RTTN: variants seen among roughly 807,000 people sequenced by gnomAD.
The protein encoded by RTTN is rotatin.
A neutral mutation model predicts 269.2 loss-of-function variants in RTTN; 182 were observed. The ratio of observed to expected loss-of-function variants is 0.68; its 90% CI spans 0.60 to 0.76. The LOEUF is 0.76. Ranked by LOEUF, RTTN falls within the 30% of genes least tolerant of loss-of-function variation. The pLI, the probability that RTTN is intolerant of heterozygous loss-of-function variation, is 0.00. For synonymous variants in RTTN, 1,006 were observed against 963.5 expected, an observed-to-expected ratio of 1.04 and a Z score of -0.82; for missense variants, 2,545 against 2,608.6, an observed-to-expected ratio of 0.98 and a Z score of 0.53.
chr18:70,175,669 G>A (rs887885141), intron 11 of RTTN, among the ~76,000 whole-genome samples: 7 of 150,132 alleles, frequency 4.7e-5, no homozygotes, highest in South Asian at 4.2e-4. Context: ...ACTAAAATAT[G>A]CAACACACCA....
At chr18:70,150,845 A>T (rs188604093) in intron 14 of RTTN, 112 bp from the exon 15 acceptor site, 29 of 731,082 alleles carry the variant, frequency 4.0e-5, no homozygotes, top group Admixed American at 6.5e-5. Flanking sequence ...ACTTCATTGA[A>T]ACTTTTTTTA....
intron 35 of RTTN, among the ~76,000 whole-genome samples, chr18:70,064,475 A>G (rs143034076): frequency 0.012 from 1,889 of 152,302 alleles, 23 homozygotes; most frequent in South Asian, 0.039. Context: ...TAACTGTAAT[A>G]TATTCATACA....
At chr18:70,147,756 C>A (rs1407049066) in intron 17 of RTTN, among the ~76,000 whole-genome samples, 11 of 152,112 alleles carry the variant, frequency 7.2e-5, no homozygotes, top group African/African-American at 2.4e-4. Context: ...GCACTATGCT[C>A]CTGGGGGTGT....
At chr18:70,097,965 C>T (rs1023017077) in intron 28 of RTTN, among the ~76,000 whole-genome samples, 1 of 152,284 alleles carries the variant, frequency 6.6e-6, no homozygotes, top group African/African-American at 2.4e-5. Flanking sequence ...CTCACCTATT[C>T]CTGATTTCAA....
In RTTN at chr18:70,190,670, G is replaced by A; in HGVS notation, c.1057C>T (p.Pro353Ser). Residue 353 changes from proline (P) to serine (S), a missense_variant, in exon 9 of 49, where the codon CCT becomes TCT. By Grantham distance (74) the Pro-to-Ser change is moderately conservative. Transcript: ENST00000640769. ...HVNSRISVHS[P>S]LDMGHIDLPE... is the part of the protein sequence containing the mutation. Reference sequence around the variant, plus strand: ...AGATCTATGTGTCCCATATCCAAAGGTGAATGAACGGATATCCTGGAGTTT... The same window carrying A: ...AGATCTATGTGTCCCATATCCAAAGATGAATGAACGGATATCCTGGAGTTT... The A allele has an allele frequency of 3.1e-6, 5 of 1,613,090 alleles. No individual in the cohort carries two copies. The highest frequency in any genetic ancestry group is 4.2e-6 in the Non-Finnish European group (5 of 1,179,154).
At chr18:70,143,454 A>G (rs914955881) in intron 18 of RTTN, among the ~76,000 whole-genome samples, 3 of 152,210 alleles carry the variant, frequency 2.0e-5, no homozygotes, top group Non-Finnish European at 4.4e-5. Context: ...GGGAACATGG[A>G]TGAAGCCGGA....
At chr18:70,150,232 T>C (rs1172677708) in intron 15 of RTTN, 145 bp from the exon 16 acceptor site, 2 of 628,694 alleles carry the variant, frequency 3.2e-6, no homozygotes, top group South Asian at 4.0e-5. Flanking sequence ...CACAGCATCA[T>C]CTTACATTCT....
At chr18:70,105,505 C>T (rs981862391) in intron 28 of RTTN, among the ~76,000 whole-genome samples, 1 of 152,160 alleles carries the variant, frequency 6.6e-6, no homozygotes, top group Non-Finnish European at 1.5e-5. Context: ...ACCCACTGTC[C>T]GACAAGCCCC....
At chr18:70,201,837 G>C in intron 4 of RTTN, 57 bp downstream of exon 4, 1 of 1,040,970 alleles carries the variant, frequency 9.6e-7, no homozygotes, top group Non-Finnish European at 1.5e-6. Flanking sequence ...AACGAAAAAA[G>C]TACATTAATT....
intron 46 of RTTN, among the ~76,000 whole-genome samples, chr18:70,012,576 G>A (rs2042263556): frequency 6.8e-6 from 1 of 147,576 alleles, no homozygotes; most frequent in Non-Finnish European, 1.5e-5. Context: ...GTATTGGTTA[G>A]AGGGCAGCGT....
At chr18:70,166,007 A>G in intron 14 of RTTN, 55 bp downstream of exon 14, 1 of 1,577,080 alleles carries the variant, frequency 6.3e-7, no homozygotes, top group Non-Finnish European at 8.7e-7. Context: ...AGGTATAACA[A>G]GAGAGTCTAC....
At chr18:70,088,268 A>C in intron 30 of RTTN, 121 bp from the exon 31 acceptor site, 1 of 849,836 alleles carries the variant, frequency 1.2e-6, no homozygotes, top group Non-Finnish European at 1.7e-6. Context: ...ATGATCCTAA[A>C]TTATAAGAGA....
chr18:70,017,793 T>C lies in RTTN; in HGVS notation c.6154-119A>G, dbSNP rs73970813. 8.3e-3 allele frequency: 6,192 copies of C among 749,368 alleles called. 262 individuals carry two copies. The African/African-American group carries it at 0.093, about 11-fold the overall frequency. The allele number at this position is 749,368 out of a possible 1,614,324, so 46.4% of individuals were successfully genotyped here. ...TCTCCCTCTACATTAATTTCTCCTT[T>C]CTAATAGCTTCTGAATATTCCATCT... On this transcript the variant is annotated intron_variant, in intron 45 of 48. Transcript: ENST00000640769.
At chr18:70,130,132 A>G (rs763300675) in intron 23 of RTTN, 8 of 152,044 alleles carry the variant, frequency 5.3e-5, no homozygotes, top group Non-Finnish European at 1.0e-4. Context: ...AAAATAACAG[A>G]TGCTGGCAAA....
intron 47 of RTTN, chr18:70,006,158 G>T: frequency 2.4e-6 from 1 of 410,592 alleles, no homozygotes. Context: ...TCAGTTCAGA[G>T]ATTCTCTTCT....
At chr18:70,154,162 CA>C (rs1271563380) in intron 14 of RTTN, among the ~76,000 whole-genome samples, 2 of 151,918 alleles carry the variant, frequency 1.3e-5, no homozygotes, top group Non-Finnish European at 2.9e-5. Context: ...AAATTCAGTG[CA>C]TTTTTTTTAA....
intron 32 of RTTN, 28 bp downstream of exon 32, chr18:70,086,585 A>C (rs532879412): frequency 6.9e-7 from 1 of 1,457,318 alleles, no homozygotes; most frequent in African/African-American, 1.4e-5. Context: ...AACATCTACT[A>C]GGTTGATAAT....
intron 45 of RTTN, among the ~76,000 whole-genome samples, chr18:70,017,927 T>C (rs1196102140): frequency 6.6e-6 from 1 of 152,222 alleles, no homozygotes; most frequent in Non-Finnish European, 1.5e-5. Flanking sequence ...TATAGTTAAC[T>C]CTTAATTATT....
In RTTN at chr18:70,109,599, G is replaced by A. The variant is rs201328208; in HGVS notation, c.3802C>T (p.Arg1268Ter). 1.3e-5 allele frequency: 21 copies of A among 1,614,018 alleles called. No individual in the cohort carries two copies. Among genetic ancestry groups the A allele is most frequent in the African/African-American group, 2.7e-5 (2 of 74,974 alleles). ...AACGCAGTGAGGTTAGCCATCCCTC[G>A]TAAGGTCCGCTCAAGGGACGGCAGG... The part of the protein sequence containing the change: ...YGLPSLERTL[R>*]GMANLTAFPG... The change falls in exon 28 of 49, where the codon CGA becomes TGA. Residue 1268 changes from arginine (R) to a stop codon, truncating the protein, a stop_gained. Transcript: ENST00000640769. LOFTEE classifies it high-confidence loss of function.
Sources: gnomAD v4.1 joint callset for allele counts (sites outside exome capture counted in the v4.1 genomes callset) on GRCh38, gnomAD v4.1.1 for gene constraint, MANE v1.5 for transcripts, NCBI Gene and HGNC (gene_info 2026-07-23, HGNC 2026-07-21) for gene names.